DCUN1D4: variants seen among roughly 807,000 people sequenced by gnomAD.
The protein encoded by DCUN1D4 is defective in cullin neddylation 1 domain containing 4.
DCUN1D4 carries 22 observed loss-of-function variants against 47.9 expected under a neutral mutation model. That is an observed-to-expected ratio of 0.46 (90% CI 0.33 to 0.66). The LOEUF is 0.66. Ranked by LOEUF, DCUN1D4 falls within the 30% of genes least tolerant of loss-of-function variation. DCUN1D4 has a pLI of 0.02. For missense variants in DCUN1D4, 301 were observed against 340.8 expected (o/e 0.88, Z 0.92); for synonymous variants, 121 against 112.2 (o/e 1.08, Z -0.50).
chr4:51,859,302 A>G (rs1724641143), intron 1 of DCUN1D4, among the ~76,000 whole-genome samples: 2 of 152,034 alleles, frequency 1.3e-5, no homozygotes, highest in African/African-American at 2.4e-5. Context: ...TCCTATATGT[A>G]TTGTTGCTTT....
rs1734032118 is a variant in DCUN1D4, at chr4:51,913,686, C to T, written c.*102C>T. Reference sequence around the variant, plus strand: ...CAAAGCGCATGCTGCTTCTCTTGCACTGTTTCCCTTTCGCAGGGACATGTT... The same window carrying T: ...CAAAGCGCATGCTGCTTCTCTTGCATTGTTTCCCTTTCGCAGGGACATGTT... On this transcript the variant is annotated 3_prime_UTR_variant, in exon 11 of 11. Transcript: ENST00000334635. The T allele has an allele frequency of 1.9e-6, 2 of 1,067,618 alleles. No homozygotes were observed. 66.1% of individuals were successfully genotyped at this position (1,067,618 alleles called of 1,614,324 possible). A position where few individuals can be genotyped will look rare whatever the true frequency, so the allele number is the denominator to read the frequency against.
chr4:51,835,177 C>T, the DCUN1D4 span, among the ~76,000 whole-genome samples: 22 of 152,342 alleles, frequency 1.4e-4, no homozygotes, highest in African/African-American at 4.8e-4. Context: ...AAAGAGGCAA[C>T]ATAGCACAGT....
At chr4:51,869,123 CAAAAAAA>C (rs531280197) in intron 3 of DCUN1D4, among the ~76,000 whole-genome samples, 16 of 38,576 alleles carry the variant, frequency 4.1e-4, no homozygotes, top group Admixed American at 9.6e-4. Context: ...GACTCCATCT[CAAAAAAA>C]AAAAAAAAAA....
At chr4:51,910,084 G>A (rs1283395366) in intron 8 of DCUN1D4, among the ~76,000 whole-genome samples, 6 of 152,154 alleles carry the variant, frequency 3.9e-5, no homozygotes, top group Admixed American at 2.0e-4. Context: ...AGATTCCACT[G>A]CACTGGGCTA....
the DCUN1D4 span, among the ~76,000 whole-genome samples, chr4:51,836,501 G>A: frequency 1.3e-5 from 2 of 152,074 alleles, no homozygotes; most frequent in African/African-American, 2.4e-5. Context: ...TTTCTTCAGT[G>A]CTTGGATTCA....
the DCUN1D4 span, among the ~76,000 whole-genome samples, chr4:51,834,083 TC>T: frequency 0.033 from 3,270 of 100,594 alleles, 153 homozygotes; most frequent in African/African-American, 0.04. Context: ...TCTCTCTCTC[TC>T]TCTTTTCTTT....
intron 1 of DCUN1D4, chr4:51,843,669 AG>A (rs1721967174): frequency 8.5e-7 from 1 of 1,171,448 alleles, no homozygotes; most frequent in African/African-American, 1.8e-5. Context: ...GGAGGGAGCG[AG>A]CGAGCGAGCG....
At chr4:51,892,985 C>T (rs191133701) in intron 7 of DCUN1D4, among the ~76,000 whole-genome samples, 4 of 152,332 alleles carry the variant, frequency 2.6e-5, no homozygotes, top group East Asian at 1.9e-4. Flanking sequence ...AGAATGCTTT[C>T]GCATTGTGCT....
rs186306901 is a variant in DCUN1D4, at chr4:51,907,687, G to T, written c.616-3383G>T. 2.9e-3 allele frequency among the ~76,000 whole-genome samples: 447 copies of T among 152,052 alleles called. 3 individuals carry two copies. The highest frequency in any genetic ancestry group is 0.01 in the African/African-American group (420 of 41,450). On this transcript the variant is annotated intron_variant, in intron 8 of 10. Coordinates refer to ENST00000334635, the MANE Select transcript of DCUN1D4 (RefSeq NM_001040402.3). ...TTTCTTTGTAATTTTAATAATTCAGGGTTCCTCTTTTCCTCTTTTCATATG... is the reference window on the plus strand; with the variant it reads ...TTTCTTTGTAATTTTAATAATTCAGTGTTCCTCTTTTCCTCTTTTCATATG...
At chr4:51,907,426 T>C (rs1232703703) in intron 8 of DCUN1D4, among the ~76,000 whole-genome samples, 1 of 152,216 alleles carries the variant, frequency 6.6e-6, no homozygotes, top group African/African-American at 2.4e-5. Flanking sequence ...TTTTGGTTAC[T>C]TAGGTTAGCT....
rs1358942742 is a variant in DCUN1D4, at chr4:51,863,576, T to TA, written c.96+74dup. ...AGTCATTTTGTATAAGTGTATTTGA[T>TA]AAAAATTTAGATTCTAGATATTAGG... On this transcript the variant is annotated intron_variant, in intron 2 of 10. Coordinates refer to ENST00000334635, the MANE Select transcript of DCUN1D4 (RefSeq NM_001040402.3). The TA allele has an allele frequency of 4.4e-6, 7 of 1,580,064 alleles. No individual in the cohort carries two copies. In the African/African-American group the frequency reaches 8.1e-5, roughly 18 times the overall value.
the DCUN1D4 span, among the ~76,000 whole-genome samples, chr4:51,837,126 C>A: frequency 6.6e-6 from 1 of 152,180 alleles, no homozygotes; most frequent in Non-Finnish European, 1.5e-5. Flanking sequence ...AAATTTAATG[C>A]AGCATCATTA....
At chr4:51,897,697 G>A (rs1384745121) in intron 7 of DCUN1D4, among the ~76,000 whole-genome samples, 1 of 152,218 alleles carries the variant, frequency 6.6e-6, no homozygotes, top group African/African-American at 2.4e-5. Flanking sequence ...CTGGAATAGG[G>A]TAAGAACAGG....
At position 51,863,572 on chromosome 4, in the gene DCUN1D4, T is replaced by A. The variant is rs112280906; in HGVS notation, c.96+65T>A. ...AAGTAGTCATTTTGTATAAGTGTATTTGATAAAAATTTAGATTCTAGATAT... is the reference window on the plus strand; with the variant it reads ...AAGTAGTCATTTTGTATAAGTGTATATGATAAAAATTTAGATTCTAGATAT... On this transcript the variant is annotated intron_variant, in intron 2 of 10. Transcript: ENST00000334635. 509 of 1,577,572 alleles carry A rather than the reference T, an allele frequency of 3.2e-4. 7 individuals carry two copies. In the African/African-American group the frequency reaches 5.4e-3, roughly 17 times the overall value.
upstream of DCUN1D4, among the ~76,000 whole-genome samples, chr4:51,841,322 G>A (rs1450247926): frequency 2.0e-5 from 3 of 152,094 alleles, no homozygotes; most frequent in Admixed American, 6.6e-5. Flanking sequence ...TTTCCTAGAT[G>A]TAGATTAAGC....
chr4:51,843,459 T>TG, intron 1 of DCUN1D4, 192 bp downstream of exon 1: 1 of 646,402 alleles, frequency 1.5e-6, no homozygotes, highest in Non-Finnish European at 2.0e-6. Context: ...GGGGCGGGCG[T>TG]GGGGGGAAGG....
intron 7 of DCUN1D4, among the ~76,000 whole-genome samples, chr4:51,893,687 G>T (rs1285746753): frequency 6.6e-6 from 1 of 152,224 alleles, no homozygotes; most frequent in East Asian, 1.9e-4. Context: ...CTCCCAAGGT[G>T]TTGGGATTAC....
At chr4:51,865,703 G>A (rs1725807665) in intron 3 of DCUN1D4, among the ~76,000 whole-genome samples, 1 of 152,144 alleles carries the variant, frequency 6.6e-6, no homozygotes. Flanking sequence ...GGTGCATTTT[G>A]GGGGCTGTTG....
intron 3 of DCUN1D4, 76 bp downstream of exon 3, chr4:51,863,785 G>A: frequency 7.0e-7 from 1 of 1,433,016 alleles, no homozygotes; most frequent in African/African-American, 1.4e-5. Context: ...AGCTATGAAT[G>A]CGCTATGTTG....
Sources: gnomAD v4.1 joint callset for allele counts (sites outside exome capture counted in the v4.1 genomes callset) on GRCh38, gnomAD v4.1.1 for gene constraint, MANE v1.5 for transcripts, NCBI Gene and HGNC (gene_info 2026-07-23, HGNC 2026-07-21) for gene names.